Variants in SLC12A7 observed in about 807,000 individuals in gnomAD.
SLC12A7 encodes K-Cl cotransporter 4.
A neutral mutation model predicts 120.6 loss-of-function variants in SLC12A7; 100 were observed. That is an observed-to-expected ratio of 0.83 (90% CI 0.71 to 0.98). The LOEUF (loss-of-function observed/expected upper bound fraction) is 0.98. Ranked by LOEUF, SLC12A7 falls within the 50% of genes least tolerant of loss-of-function variation. SLC12A7 has a pLI of 0.00. For missense variants in SLC12A7, 1,373 were observed against 1,548.1 expected, an observed-to-expected ratio of 0.89 and a Z score of 1.90; for synonymous variants, 760 against 678.0, an observed-to-expected ratio of 1.12 and a Z score of -1.88.
chr5:1,149,585 A>G, the SLC12A7 span, among the ~76,000 whole-genome samples: 2 of 152,068 alleles, frequency 1.3e-5, no homozygotes, highest in Admixed American at 6.5e-5. Context: ...TCAAAAACAA[A>G]TAAATTAAAA....
chr5:1,073,747 G>T lies in SLC12A7; in HGVS notation c.2127C>A (p.Pro709=). 6.4e-7 allele frequency: 1 copy of T among 1,562,424 alleles called. No homozygotes were observed. Among genetic ancestry groups the T allele is most frequent in the Non-Finnish European group, 8.7e-7 (1 of 1,151,602 alleles). Reference sequence around the variant, plus strand: ...GCTGCGACGTGAAGGACAGCAGGCGGGGGTGCTTCACGGCCTGCTCCGCGT... The same window carrying T: ...GCTGCGACGTGAAGGACAGCAGGCGTGGGTGCTTCACGGCCTGCTCCGCGT... ...NLDAEQAVKH[P]RLLSFTSQLK... The change falls in exon 17 of 24, where the codon CCC becomes CCA. Residue 709 remains proline (P), a synonymous_variant. Transcript: ENST00000264930.
At chr5:1,138,939 T>A in the SLC12A7 span, among the ~76,000 whole-genome samples, 4 of 152,198 alleles carry the variant, frequency 2.6e-5, no homozygotes, top group Non-Finnish European at 5.9e-5. Flanking sequence ...GAGCCGGGGA[T>A]ACTCGACTCC....
chr5:1,086,575 G>A (rs1739879073), intron 6 of SLC12A7, among the ~76,000 whole-genome samples: 1 of 152,238 alleles, frequency 6.6e-6, no homozygotes, highest in African/African-American at 2.4e-5. Context: ...TCTAAGCCGA[G>A]TTCCAGCCCT....
chr5:1,109,223 G>T (rs555949451), intron 1 of SLC12A7, among the ~76,000 whole-genome samples: 2 of 152,210 alleles, frequency 1.3e-5, no homozygotes, highest in African/African-American at 4.8e-5. Context: ...CCCCTCCCAG[G>T]GTCTCCGAGG....
the SLC12A7 span, among the ~76,000 whole-genome samples, chr5:1,134,793 GAACAA>G: frequency 1.2e-4 from 18 of 152,222 alleles, 1 homozygote; most frequent in South Asian, 3.7e-3. Flanking sequence ...ATAAAGCCAT[GAACAA>G]AACAAGTCGG....
chr5:1,135,362 C>T, the SLC12A7 span, among the ~76,000 whole-genome samples: 13 of 128,570 alleles, frequency 1.0e-4, no homozygotes, highest in East Asian at 3.3e-3. Flanking sequence ...GCTCCGTTTT[C>T]CAGGGCCTTG....
chr5:1,137,627 T>C, the SLC12A7 span, among the ~76,000 whole-genome samples: 1 of 152,190 alleles, frequency 6.6e-6, no homozygotes, highest in Non-Finnish European at 1.5e-5. Flanking sequence ...GTCCATGGCC[T>C]CATCCTGGAC....
chr5:1,147,775 A>G, the SLC12A7 span, among the ~76,000 whole-genome samples: 87,312 of 151,950 alleles, frequency 0.57, 25,713 homozygotes, highest in African/African-American at 0.7. Flanking sequence ...ACAGGGTCTC[A>G]CTCTGTCACC....
the SLC12A7 span, among the ~76,000 whole-genome samples, chr5:1,147,250 A>ACCCCCCCCCCCCCCCCCCC: frequency 9.2e-6 from 1 of 108,690 alleles, no homozygotes. Context: ...CCACCCCGCC[A>ACCCCCCCCCCCCCCCCCCC]CCCCCCCCGC....
chr5:1,131,738 G>C, the SLC12A7 span, among the ~76,000 whole-genome samples: 1 of 152,350 alleles, frequency 6.6e-6, no homozygotes, highest in Admixed American at 6.5e-5. Flanking sequence ...TCTGGGGTGG[G>C]TTCCCAGATC....
Position 1,052,149 on chromosome 5 carries a change from C to G in SLC12A7, c.*211G>C. 1 of 588,358 alleles carries G rather than the reference C, an allele frequency of 1.7e-6. No homozygotes were observed. 36.4% of individuals were successfully genotyped at this position (588,358 alleles called of 1,614,324 possible). A position where few individuals can be genotyped will look rare whatever the true frequency, so the allele number is the denominator to read the frequency against. On this transcript the variant is annotated 3_prime_UTR_variant, in exon 24 of 24. Transcript: ENST00000264930. ...CCTCAGATGCAAGGAAATCGTCCAG[C>G]CACGCCCTGATTTGCTGAGCCTGTT...
intron 1 of SLC12A7, among the ~76,000 whole-genome samples, chr5:1,103,531 TCA>T (rs1012021366): frequency 1.2e-4 from 18 of 152,206 alleles, no homozygotes; most frequent in African/African-American, 4.3e-4. Flanking sequence ...ATACCCATAC[TCA>T]CACGCTTCCC....
intron 4 of SLC12A7, 51 bp downstream of exon 4, chr5:1,088,931 C>T (rs1367669682): frequency 6.2e-7 from 1 of 1,608,706 alleles, no homozygotes; most frequent in South Asian, 1.1e-5. Context: ...GCCCTACTGT[C>T]CAGCTGCCAC....
At position 1,052,213 on chromosome 5, in the gene SLC12A7, A is replaced by T; in HGVS notation, c.*147T>A. The T allele has an allele frequency of 1.4e-6, 1 of 696,096 alleles. No individual in the cohort carries two copies. The highest frequency in any genetic ancestry group is 2.6e-6 in the Non-Finnish European group (1 of 391,892). 43.1% of individuals were successfully genotyped at this position (696,096 alleles called of 1,614,324 possible). A position where few individuals can be genotyped will look rare whatever the true frequency, so the allele number is the denominator to read the frequency against. On this transcript the variant is annotated 3_prime_UTR_variant, in exon 24 of 24. Transcript: ENST00000264930. ...AGAGCCCTAGGTGACGGGCCTAGAA[A>T]CTTCCGTAGGAAGCCCCATGGGCAG... is the stretch of plus-strand genomic sequence containing the variant.
the SLC12A7 span, among the ~76,000 whole-genome samples, chr5:1,154,152 C>T: frequency 9.4e-4 from 142 of 151,296 alleles, 1 homozygote; most frequent in Non-Finnish European, 2.5e-4. Context: ...GTGTCCCGTC[C>T]ACCTCATCTC....
the SLC12A7 span, among the ~76,000 whole-genome samples, chr5:1,142,188 C>G: frequency 6.6e-6 from 1 of 151,560 alleles, no homozygotes; most frequent in Non-Finnish European, 1.5e-5. Flanking sequence ...AGAGCCCAGA[C>G]GCTCCACAGG....
chr5:1,108,310 C>A (rs1706459537), intron 1 of SLC12A7, among the ~76,000 whole-genome samples: 1 of 152,234 alleles, frequency 6.6e-6, no homozygotes, highest in Admixed American at 6.5e-5. Flanking sequence ...CAGGCCCCGG[C>A]CTGGATGCCC....
rs60629684 is a variant in SLC12A7 at position 1,078,468 on chromosome 5, G to A, written c.1454+233C>T. On this transcript the variant is annotated intron_variant, in intron 11 of 23. Coordinates refer to ENST00000264930, the MANE Select transcript of SLC12A7 (RefSeq NM_006598.3). Reference sequence around the variant, plus strand: ...TGTGGCCTCCCCAGGAAGGGCCTGCGCCCCCAGCCGCATCAGGGCTTGGAG... The same window carrying A: ...TGTGGCCTCCCCAGGAAGGGCCTGCACCCCCAGCCGCATCAGGGCTTGGAG... 6.7e-4 allele frequency: 403 copies of A among 597,888 alleles called. 1 individual carries two copies. Among genetic ancestry groups the A allele is most frequent in the African/African-American group, 6.7e-3 (358 of 53,826 alleles). 37.0% of individuals were successfully genotyped at this position (597,888 alleles called of 1,614,324 possible).
the SLC12A7 span, among the ~76,000 whole-genome samples, chr5:1,130,590 G>A: frequency 1.0e-3 from 142 of 140,054 alleles, no homozygotes; most frequent in Middle Eastern, 4.5e-3. Flanking sequence ...GCGGCTGCCC[G>A]CGCAGGTCCC....
Sources: gnomAD v4.1 joint callset for allele counts (sites outside exome capture counted in the v4.1 genomes callset) on GRCh38, gnomAD v4.1.1 for gene constraint, MANE v1.5 for transcripts, NCBI Gene and HGNC (gene_info 2026-07-23, HGNC 2026-07-21) for gene names.